Variants in APOH observed in about 807,000 individuals in gnomAD.
The protein encoded by APOH is beta-2-glycoprotein 1.
A neutral mutation model predicts 39.8 loss-of-function variants in APOH; 48 were observed. The ratio of observed to expected loss-of-function variants is 1.21; its 90% CI spans 0.96 to 1.54. The LOEUF (loss-of-function observed/expected upper bound fraction) is 1.54. Ranked by LOEUF, APOH falls within the 40% of genes most tolerant of loss-of-function variation. The pLI is 0.00. For missense variants in APOH, 415 were observed against 421.2 expected (o/e 0.99, Z 0.13); for synonymous variants, 153 against 151.1 (o/e 1.01, Z -0.09).
In APOH at chr17:66,214,586, C is replaced by G; in HGVS notation, c.849G>C (p.Gln283His). The change falls in exon 7 of 8, where the codon CAG becomes CAC. Residue 283 changes from glutamine (Q) to histidine (H), a missense_variant. By Grantham distance (24) the Gln-to-His change is conservative (BLOSUM62 0). Coordinates refer to ENST00000205948, the MANE Select transcript of APOH (RefSeq NM_000042.3). ...VVYQGERVKIQEKFKNGMLHG... is the reference protein window; with the variant it reads ...VVYQGERVKIHEKFKNGMLHG... The stretch of plus-strand genomic sequence containing the variant: ...GTAGCATTCCATTCTTAAATTTTTC[C>G]TGAATCTTTACTCTCTCTCCTTGGT... 6.2e-7 allele frequency: 1 copy of G among 1,613,966 alleles called. No individual in the cohort carries two copies. The highest frequency in any genetic ancestry group is 8.5e-7 in the Non-Finnish European group (1 of 1,179,950).
intron 3 of APOH, 152 bp from the exon 4 acceptor site, chr17:66,223,926 A>G (rs569525743): frequency 1.5e-6 from 1 of 667,372 alleles, no homozygotes; most frequent in Non-Finnish European, 2.6e-6. Context: ...GTACTCATCT[A>G]TGGCTCATGG....
At chr17:66,217,376 T>A (rs552161292) in intron 5 of APOH, among the ~76,000 whole-genome samples, 1 of 129,734 alleles carries the variant, frequency 7.7e-6, no homozygotes, top group South Asian at 2.8e-4. Flanking sequence ...AGTACACCAT[T>A]ATTTGGCTTT....
intron 4 of APOH, among the ~76,000 whole-genome samples, chr17:66,222,752 G>C (rs1362669362): frequency 1.3e-5 from 2 of 151,878 alleles, no homozygotes; most frequent in Non-Finnish European, 2.9e-5. Flanking sequence ...TATATTTTTA[G>C]TAGAGACGGA....
At chr17:66,223,639 A>T in intron 4 of APOH, 59 bp downstream of exon 4, 1 of 1,445,862 alleles carries the variant, frequency 6.9e-7, no homozygotes, top group Non-Finnish European at 9.7e-7. Flanking sequence ...TGAGACTTTG[A>T]GTGCTAAAAC....
At chr17:66,212,564 T>A (rs2073342527) in intron 7 of APOH, among the ~76,000 whole-genome samples, 1 of 152,170 alleles carries the variant, frequency 6.6e-6, no homozygotes, top group Non-Finnish European at 1.5e-5. Context: ...TTTGTATTTT[T>A]AGTAGAGACT....
intron 5 of APOH, among the ~76,000 whole-genome samples, chr17:66,219,698 T>G (rs1402714524): frequency 1.3e-5 from 2 of 152,152 alleles, no homozygotes; most frequent in African/African-American, 2.4e-5. Context: ...GCAGGCAGAT[T>G]ACTTGAGGTC....
intron 7 of APOH, among the ~76,000 whole-genome samples, chr17:66,212,737 A>G (rs1019370204): frequency 2.0e-5 from 3 of 152,246 alleles, no homozygotes; most frequent in African/African-American, 2.4e-5. Flanking sequence ...AGACTGTTCT[A>G]TAACAGTCAA....
chr17:66,223,573 C>A (rs2073415811), intron 4 of APOH, 125 bp downstream of exon 4: 1 of 786,550 alleles, frequency 1.3e-6, no homozygotes, highest in Non-Finnish European at 2.1e-6. Flanking sequence ...GGATGAATAT[C>A]CCCCACAAGG....
intron 5 of APOH, among the ~76,000 whole-genome samples, chr17:66,219,549 T>C (rs1280149427): frequency 6.6e-6 from 1 of 152,222 alleles, no homozygotes; most frequent in African/African-American, 2.4e-5. Flanking sequence ...AGCTCCTCCA[T>C]GCTGAAAATC....
At chr17:66,227,934 C>T in intron 2 of APOH, 86 bp downstream of exon 2, 1 of 1,454,570 alleles carries the variant, frequency 6.9e-7, no homozygotes, top group Non-Finnish European at 9.4e-7. Context: ...GCCCTCTGCA[C>T]TCTGAGCATG....
At chr17:66,223,890 A>G in intron 3 of APOH, 116 bp from the exon 4 acceptor site, 2 of 902,292 alleles carry the variant, frequency 2.2e-6, no homozygotes, top group East Asian at 2.6e-5. Flanking sequence ...TTTCCATCGT[A>G]TAATGCTGTC....
intron 6 of APOH, 87 bp from the exon 7 acceptor site, chr17:66,214,737 T>C (rs534894834): frequency 1.8e-6 from 2 of 1,127,182 alleles, no homozygotes; most frequent in South Asian, 2.7e-5. Flanking sequence ...AGTAGATGAG[T>C]ACACCTACAC....
chr17:66,221,895 G>A (rs539996085), intron 4 of APOH, among the ~76,000 whole-genome samples: 2 of 152,198 alleles, frequency 1.3e-5, no homozygotes, highest in Non-Finnish European at 2.9e-5. Flanking sequence ...ATGTGGTCCA[G>A]GGGCTAGCAG....
chr17:66,221,897 G>C (rs1305268448), intron 4 of APOH, among the ~76,000 whole-genome samples: 2 of 152,116 alleles, frequency 1.3e-5, no homozygotes, highest in African/African-American at 4.8e-5. Context: ...GTGGTCCAGG[G>C]GCTAGCAGCA....
chr17:66,220,098 A>C lies in APOH; in HGVS notation c.604+456T>G, dbSNP rs140596485. Among the ~76,000 whole-genome samples the C allele has an allele frequency of 2.0e-5, 3 of 152,308 alleles. No individual in the cohort carries two copies. In the East Asian group the frequency reaches 5.8e-4, roughly 29 times the overall value. The stretch of plus-strand genomic sequence containing the variant: ...GGTAAAGATTTTTAAAATGTGTAAC[A>C]ATCAGACAGCAACCCAGTCTTAACC... On this transcript the variant is annotated intron_variant, in intron 5 of 7. Coordinates refer to ENST00000205948, the MANE Select transcript of APOH (RefSeq NM_000042.3).
intron 7 of APOH, among the ~76,000 whole-genome samples, chr17:66,212,577 G>A (rs1054237676): frequency 2.6e-5 from 4 of 152,128 alleles, no homozygotes; most frequent in Admixed American, 1.3e-4. Flanking sequence ...TAGAGACTGG[G>A]TTTCACCATG....
chr17:66,212,081 T>C lies in APOH; in HGVS notation c.*52A>G. ...TATTTTTAAATTTCAATTAGGTTCCTTGGATGAACAAGAAACAAGTGTGAC... is the reference window on the plus strand; with the variant it reads ...TATTTTTAAATTTCAATTAGGTTCCCTGGATGAACAAGAAACAAGTGTGAC... On this transcript the variant is annotated 3_prime_UTR_variant, in exon 8 of 8. Transcript: ENST00000205948. 1 of 1,488,866 alleles carries C rather than the reference T, an allele frequency of 6.7e-7. No homozygotes were observed. The highest frequency in any genetic ancestry group is 1.1e-5 in the South Asian group (1 of 87,682). The allele number at this position is 1,488,866 out of a possible 1,614,324, so 92.2% of individuals were successfully genotyped here.
chr17:66,220,838 G>A (rs978891123), intron 4 of APOH, 96 bp from the exon 5 acceptor site: 2 of 1,240,188 alleles, frequency 1.6e-6, no homozygotes, highest in Non-Finnish European at 1.1e-6. Flanking sequence ...GGATAAACTT[G>A]AGAAAATGCA....
chr17:66,221,346 A>G (rs955248592), intron 4 of APOH, among the ~76,000 whole-genome samples: 8 of 114,132 alleles, frequency 7.0e-5, no homozygotes, highest in Non-Finnish European at 1.3e-4. Flanking sequence ...AAGAAAGGAA[A>G]GAAAGAAAGA....
Sources: allele counts gnomAD v4.1 joint callset (sites outside exome capture counted in the v4.1 genomes callset), GRCh38; gene constraint gnomAD v4.1.1; transcripts MANE v1.5; gene names NCBI Gene and HGNC (gene_info 2026-07-23, HGNC 2026-07-21).